MAPRE1: variants seen among roughly 807,000 people sequenced by gnomAD.
MAPRE1 encodes microtubule associated protein RP/EB family member 1.
A neutral mutation model predicts 32.1 loss-of-function variants in MAPRE1; 5 were observed. The ratio of observed to expected loss-of-function variants is 0.16; its 90% CI spans 0.08 to 0.33. MAPRE1 has a LOEUF of 0.33. Ranked by LOEUF, MAPRE1 falls within the 10% of genes least tolerant of loss-of-function variation. MAPRE1 has a pLI of 1.00. For missense variants in MAPRE1, 209 were observed against 327.2 expected, an observed-to-expected ratio of 0.64 and a Z score of 2.79; for synonymous variants, 122 against 118.9, an observed-to-expected ratio of 1.03 and a Z score of -0.17.
chr20:32,844,639 C>G lies in MAPRE1; in HGVS notation c.598-1979C>G, dbSNP rs138982910. ...ATGTTGGCCAGGATGGTCTTGATCT[C>G]TTGACCTCGTGATCCGCCTGCCTTG... is the stretch of plus-strand genomic sequence containing the variant. On this transcript the variant is annotated intron_variant, in intron 5 of 6. Transcript: ENST00000375571. Among the ~76,000 whole-genome samples the G allele has an allele frequency of 1.7e-3, 263 of 151,808 alleles. 1 individual carries two copies. The highest frequency in any genetic ancestry group is 5.8e-3 in the African/African-American group (241 of 41,398).
chr20:32,832,613 G>C (rs1317129031), intron 2 of MAPRE1, among the ~76,000 whole-genome samples: 1 of 151,704 alleles, frequency 6.6e-6, no homozygotes, highest in African/African-American at 2.4e-5. Flanking sequence ...AACCACAAGG[G>C]CATGCCAACA....
chr20:32,825,987 G>T lies in MAPRE1; in HGVS notation c.60G>T (p.Met20Ile). ...GTGATAACCTAAGTCGACATGACAT[G>T]CTGGCCTGGATCAATGAGTCTCTGC... Reference protein sequence around the residue: ...VTSDNLSRHDMLAWINESLQL... With the variant: ...VTSDNLSRHDILAWINESLQL... Residue 20 changes from methionine (M) to isoleucine (I), a missense_variant, in exon 2 of 7, where the codon ATG becomes ATT. This residue lies in a region of MAPRE1 where 67 missense variants were observed against 140.0 expected (regional missense o/e 0.48). Coordinates refer to ENST00000375571, the MANE Select transcript of MAPRE1 (RefSeq NM_012325.3). The T allele has an allele frequency of 6.2e-7, 1 of 1,610,532 alleles. No homozygotes were observed. Among genetic ancestry groups the T allele is most frequent in the Non-Finnish European group, 8.5e-7 (1 of 1,177,228 alleles).
chr20:32,838,509 A>G (rs1259921709), intron 4 of MAPRE1, among the ~76,000 whole-genome samples: 4 of 152,192 alleles, frequency 2.6e-5, no homozygotes, highest in African/African-American at 9.7e-5. Context: ...ACCCAAGAGT[A>G]TATACTCTGG....
chr20:32,835,307 A>G lies in MAPRE1; in HGVS notation c.268-1327A>G, dbSNP rs561877342. 4.6e-5 allele frequency among the ~76,000 whole-genome samples: 7 copies of G among 151,288 alleles called. No individual in the cohort carries two copies. The East Asian group carries it at 1.4e-3, about 29-fold the overall frequency. ...AACACAGTATTCTTGTATAATAGAA[A>G]TACTTACAGGGTCCTTATGTATATT... On this transcript the variant is annotated intron_variant, in intron 3 of 6. Coordinates refer to ENST00000375571, the MANE Select transcript of MAPRE1 (RefSeq NM_012325.3).
rs71190880 is a variant in MAPRE1, at chr20:32,844,439, CTTTTTTTTTTTTTTTT to C, written c.598-2163_598-2148del. Among the ~76,000 whole-genome samples the C allele has an allele frequency of 1.0e-2, 519 of 52,140 alleles. 5 individuals are homozygous for C. The highest frequency in any genetic ancestry group is 0.024 in the Middle Eastern group (1 of 42). 34.2% of individuals were successfully genotyped at this position (52,140 alleles called of 152,430 possible). ...CTAGGTGGATACCAAGCTAGCATTC[CTTTTTTTTTTTTTTTT>C]TTTTTTTTTTTTTTTGTGGCGTGAT... is the stretch of plus-strand genomic sequence containing the variant. On this transcript the variant is annotated intron_variant, in intron 5 of 6. Coordinates refer to ENST00000375571, the MANE Select transcript of MAPRE1 (RefSeq NM_012325.3).
At chr20:32,829,602 T>C (rs1982963148) in intron 2 of MAPRE1, among the ~76,000 whole-genome samples, 2 of 150,796 alleles carry the variant, frequency 1.3e-5, no homozygotes, top group Admixed American at 1.3e-4. Context: ...TCATCTCTGA[T>C]GAGCAGAGGA....
rs184762773 is a variant in MAPRE1 at position 32,838,889 on chromosome 20, A to G, written c.476-846A>G. The stretch of plus-strand genomic sequence containing the variant: ...TTTCAAACCTGGCATGTAATATGCA[A>G]ACTTTACAAAATAATTGCTAAGTAG... On this transcript the variant is annotated intron_variant, in intron 4 of 6. Transcript: ENST00000375571. Among the ~76,000 whole-genome samples the G allele has an allele frequency of 3.6e-3, 548 of 152,358 alleles. 16 individuals are homozygous for G. Among genetic ancestry groups the G allele is most frequent in the Admixed American group, 0.034 (522 of 15,308 alleles).
At chr20:32,838,761 CTT>C (rs1983270241) in intron 4 of MAPRE1, among the ~76,000 whole-genome samples, 2 of 152,186 alleles carry the variant, frequency 1.3e-5, no homozygotes, top group African/African-American at 2.4e-5. Flanking sequence ...AGCATTTAGT[CTT>C]TGGGATAAAC....
intron 5 of MAPRE1, among the ~76,000 whole-genome samples, chr20:32,840,513 T>G (rs1983330080): frequency 6.6e-6 from 1 of 152,196 alleles, no homozygotes; most frequent in Non-Finnish European, 1.5e-5. Context: ...AAAATAGAGA[T>G]AGGGTCTCAC....
In MAPRE1 at chr20:32,849,999, G is replaced by A. The variant is rs1983603756; in HGVS notation, c.*1271G>A. 6.6e-6 allele frequency: 1 copy of A among 152,384 alleles called. No homozygotes were observed. The highest frequency in any genetic ancestry group is 1.5e-5 in the Non-Finnish European group (1 of 67,996). 9.4% of individuals were successfully genotyped at this position (152,384 alleles called of 1,614,324 possible). ...TCCTTAACTCTCCCTCATTTGCTTT[G>A]CCCACAGCCTATTCAGTTCCTTTGT... On this transcript the variant is annotated 3_prime_UTR_variant, in exon 7 of 7. Coordinates refer to ENST00000375571, the MANE Select transcript of MAPRE1 (RefSeq NM_012325.3).
At chr20:32,843,791 T>A (rs1983427231) in intron 5 of MAPRE1, among the ~76,000 whole-genome samples, 1 of 152,042 alleles carries the variant, frequency 6.6e-6, no homozygotes, top group African/African-American at 2.4e-5. Context: ...TCTTAGGTTA[T>A]AACTATTGCT....
chr20:32,821,341 T>C (rs1982696428), intron 1 of MAPRE1, among the ~76,000 whole-genome samples: 1 of 152,172 alleles, frequency 6.6e-6, no homozygotes, highest in Non-Finnish European at 1.5e-5. Context: ...ATTTTACAAA[T>C]AAGGGGTCTG....
intron 5 of MAPRE1, among the ~76,000 whole-genome samples, chr20:32,843,905 GTGC>G (rs1983432386): frequency 6.6e-6 from 1 of 151,220 alleles, no homozygotes; most frequent in Admixed American, 6.6e-5. Context: ...ACAGGCTGGA[GTGC>G]AGTGGCGTGA....
At chr20:32,837,745 T>A (rs1263456932) in intron 4 of MAPRE1, among the ~76,000 whole-genome samples, 1 of 152,202 alleles carries the variant, frequency 6.6e-6, no homozygotes, top group Non-Finnish European at 1.5e-5. Context: ...AAGAATTGTG[T>A]AACTATCACC....
chr20:32,827,805 G>T (rs1372287084), intron 2 of MAPRE1, among the ~76,000 whole-genome samples: 1 of 151,604 alleles, frequency 6.6e-6, no homozygotes, highest in Non-Finnish European at 1.5e-5. Context: ...TGAGGCAGGA[G>T]AATCGCTTGA....
chr20:32,836,620 G>A lies in MAPRE1; in HGVS notation c.268-14G>A, dbSNP rs1983208802. 6.5e-7 allele frequency: 1 copy of A among 1,548,678 alleles called. No individual in the cohort carries two copies. The highest frequency in any genetic ancestry group is 1.4e-5 in the African/African-American group (1 of 73,322). The stretch of plus-strand genomic sequence containing the variant: ...GCCTCTTTTTTGGGGCTAAACAGTT[G>A]TTTTTCTCTGCAGATAATTCCTGTG... On this transcript the variant is annotated splice_polypyrimidine_tract_variant and intron_variant, in intron 3 of 6. Coordinates refer to ENST00000375571, the MANE Select transcript of MAPRE1 (RefSeq NM_012325.3).
At chr20:32,824,086 C>T (rs375972226) in intron 1 of MAPRE1, among the ~76,000 whole-genome samples, 90 of 152,286 alleles carry the variant, frequency 5.9e-4, no homozygotes, top group African/African-American at 2.1e-3. Flanking sequence ...CCGTAAACCC[C>T]GTTGCATAAG....
At chr20:32,842,231 A>G (rs535132178) in intron 5 of MAPRE1, among the ~76,000 whole-genome samples, 59 of 152,124 alleles carry the variant, frequency 3.9e-4, no homozygotes, top group African/African-American at 1.2e-3. Context: ...GACTACAGGC[A>G]CCCGCCACCA....
intron 1 of MAPRE1, among the ~76,000 whole-genome samples, chr20:32,821,576 GT>G (rs1307717679): frequency 3.3e-5 from 5 of 152,204 alleles, no homozygotes; most frequent in Non-Finnish European, 5.9e-5. Flanking sequence ...GTGTTTTCAT[GT>G]AGATTTTTGT....
Sources: gnomAD v4.1 joint callset for allele counts (sites outside exome capture counted in the v4.1 genomes callset) on GRCh38, gnomAD v4.1.1 for gene constraint, gnomAD v4.1.1 regional missense constraint, MANE v1.5 for transcripts, NCBI Gene and HGNC (gene_info 2026-07-23, HGNC 2026-07-21) for gene names.